The following KLRG1 variants were observed in gnomAD, a reference collection of about 807,000 sequenced individuals.
The protein encoded by KLRG1 is killer cell lectin-like receptor subfamily G member 1.
KLRG1 carries 16 observed loss-of-function variants against 21.8 expected under a neutral mutation model. The observed-to-expected ratio is 0.73, with a 90% CI of 0.50 to 1.11. The LOEUF (loss-of-function observed/expected upper bound fraction) is 1.11. KLRG1 is among the 50% of genes most tolerant of loss of function. The probability of loss-of-function intolerance (pLI) is 0.00; values close to 1 mark genes in which losing one functional copy is unlikely to be tolerated. For synonymous variants in KLRG1, 69 were observed against 75.9 expected, an observed-to-expected ratio of 0.91 and a Z score of 0.47; for missense variants, 173 against 218.3, an observed-to-expected ratio of 0.79 and a Z score of 1.31.
At chr12:9,215,361 C>A in the KLRG1 span, among the ~76,000 whole-genome samples, 1 of 151,354 alleles carries the variant, frequency 6.6e-6, no homozygotes, top group South Asian at 2.1e-4. Flanking sequence ...ATGCTTGACA[C>A]AAGATCAAAC....
At chr12:8,978,009 C>T (rs765799453) in intron 1 of KLRG1, among the ~76,000 whole-genome samples, 6 of 152,150 alleles carry the variant, frequency 3.9e-5, no homozygotes, top group Non-Finnish European at 5.9e-5. Context: ...CAGGTGTGCA[C>T]CACCATGCCT....
At chr12:8,978,168 C>A (rs774760953) in intron 1 of KLRG1, among the ~76,000 whole-genome samples, 10 of 152,230 alleles carry the variant, frequency 6.6e-5, no homozygotes, top group South Asian at 2.1e-4. Flanking sequence ...TATACCTTCA[C>A]CAGGAGATTT....
At chr12:8,973,095 G>T (rs900646507) in intron 1 of KLRG1, among the ~76,000 whole-genome samples, 1 of 146,342 alleles carries the variant, frequency 6.8e-6, no homozygotes, top group African/African-American at 2.6e-5. Context: ...GGAGGCAGAG[G>T]TTTCAGTGAG....
chr12:8,969,521 C>T (rs1183725069), intron 1 of KLRG1, among the ~76,000 whole-genome samples: 1 of 151,054 alleles, frequency 6.6e-6, no homozygotes, highest in Admixed American at 6.6e-5. Flanking sequence ...TGGTTGAGCT[C>T]TTTTATTTTA....
At chr12:9,038,346 G>A in the KLRG1 span, among the ~76,000 whole-genome samples, 12 of 152,312 alleles carry the variant, frequency 7.9e-5, no homozygotes, top group South Asian at 1.2e-3. Flanking sequence ...AGAAGCCAAA[G>A]CTGCTGAAGC....
the KLRG1 span, chr12:9,154,544 T>G: frequency 7.3e-7 from 1 of 1,365,746 alleles, no homozygotes; most frequent in African/African-American, 1.4e-5. Context: ...TCTTTTCCAT[T>G]AACTGTTCTA....
chr12:8,994,854 T>G (rs770335577), intron 2 of KLRG1, among the ~76,000 whole-genome samples: 2 of 152,366 alleles, frequency 1.3e-5, no homozygotes, highest in East Asian at 3.9e-4. Context: ...CAGATTGTTG[T>G]ATGCTTTCTT....
rs981200767 is a variant in KLRG1, at chr12:8,970,571, C to T, written c.-156+20335C>T. 28 of 152,090 alleles carry T rather than the reference C, an allele frequency of 1.8e-4. 1 individual carries two copies. Among genetic ancestry groups the T allele is most frequent in the East Asian group, 1.7e-3 (9 of 5,194 alleles). 9.4% of individuals were successfully genotyped at this position (152,090 alleles called of 1,614,324 possible). ...TTTCATCTTTTATTTATTTACTTTT[C>T]GGCTTCACTGGTAAATTCCACTTCT... On this transcript the variant is annotated intron_variant, in intron 1 of 4. Transcript: ENST00000539240.
At chr12:9,191,125 T>C in the KLRG1 span, among the ~76,000 whole-genome samples, 226 of 152,250 alleles carry the variant, frequency 1.5e-3, 1 homozygote, top group African/African-American at 5.4e-3. Flanking sequence ...AAATAACTAG[T>C]CCTCATTTTA....
At chr12:9,089,245 C>A in the KLRG1 span, 1 of 1,585,324 alleles carries the variant, frequency 6.3e-7, no homozygotes, top group Non-Finnish European at 8.6e-7. Flanking sequence ...TTCTCTAGTC[C>A]TTCAGGCTTT....
the KLRG1 span, chr12:9,028,946 GTC>G: frequency 6.3e-6 from 4 of 630,086 alleles, no homozygotes; most frequent in East Asian, 3.6e-5. Context: ...TGGTGTTTGG[GTC>G]TCTCATTACG....
chr12:9,105,994 A>G, the KLRG1 span, among the ~76,000 whole-genome samples: 1 of 152,198 alleles, frequency 6.6e-6, no homozygotes, highest in Non-Finnish European at 1.5e-5. Flanking sequence ...GGAAAACTCT[A>G]CTAATTTTAA....
the KLRG1 span, chr12:9,115,989 T>A: frequency 1.4e-6 from 1 of 722,162 alleles, no homozygotes; most frequent in South Asian, 1.5e-5. Flanking sequence ...CCACACAAGA[T>A]CTCTAAACAA....
the KLRG1 span, among the ~76,000 whole-genome samples, chr12:9,150,185 C>T: frequency 6.6e-6 from 1 of 152,218 alleles, no homozygotes; most frequent in African/African-American, 2.4e-5. Context: ...TACTTGAAAG[C>T]AGTGACTATA....
At chr12:9,183,685 G>A in the KLRG1 span, among the ~76,000 whole-genome samples, 1,831 of 152,168 alleles carry the variant, frequency 0.012, 22 homozygotes, top group South Asian at 0.046. Flanking sequence ...CAATGTGCCC[G>A]GCCAAAATTT....
the KLRG1 span, among the ~76,000 whole-genome samples, chr12:9,063,553 G>A: frequency 5.9e-5 from 9 of 152,062 alleles, no homozygotes; most frequent in Non-Finnish European, 1.3e-4. Context: ...AAAATTCTAC[G>A]TAATTTTAAT....
At chr12:9,116,062 T>C in the KLRG1 span, 3 of 559,222 alleles carry the variant, frequency 5.4e-6, no homozygotes, top group South Asian at 5.3e-5. Context: ...TCAAGGTTAA[T>C]TCCTGGCGGG....
At chr12:9,067,913 TCTGGGTAGCATAG>T in the KLRG1 span, 4 of 1,419,262 alleles carry the variant, frequency 2.8e-6, no homozygotes, top group Non-Finnish European at 3.9e-6. Context: ...TTCCCTTAGT[TCTGGGTAGCATAG>T]TGCCCAAGGA....
At chr12:9,036,819 G>C in the KLRG1 span, 1 of 422,036 alleles carries the variant, frequency 2.4e-6, no homozygotes. Context: ...TGGTTACGAG[G>C]GCTGGCTTGC....
Sources: allele counts gnomAD v4.1 joint callset (sites outside exome capture counted in the v4.1 genomes callset), GRCh38; gene constraint gnomAD v4.1.1; transcripts MANE v1.5; gene names NCBI Gene and HGNC (gene_info 2026-07-23, HGNC 2026-07-21).